Variants in GON4L observed in about 807,000 individuals in gnomAD.
GON4L encodes gon-4 like.
In GON4L, 87 loss-of-function variants were observed where a neutral mutation model predicts 211.8. That is an observed-to-expected ratio of 0.41 (90% CI 0.35 to 0.49). The LOEUF is 0.49. Among genes scored for constraint, GON4L ranks in the 20% least tolerant of loss-of-function variants. The pLI is 0.15. For missense variants in GON4L, 2,155 were observed against 2,659.5 expected (o/e 0.81, Z 4.17); for synonymous variants, 875 against 962.6 (o/e 0.91, Z 1.68).
chr1:155,821,595 T>C (rs1464460554), intron 4 of GON4L, 47 bp from the exon 5 acceptor site: 3 of 1,035,310 alleles, frequency 2.9e-6, no homozygotes, highest in Non-Finnish European at 4.6e-6. Context: ...GTTTGTCACC[T>C]AGACAATACT....
intron 14 of GON4L, 60 bp from the exon 15 acceptor site, chr1:155,777,880 A>C: frequency 1.0e-6 from 1 of 970,590 alleles, no homozygotes; most frequent in Non-Finnish European, 1.7e-6. Flanking sequence ...AACACATCCA[A>C]TTCGTTCCAA....
At chr1:155,784,962 T>A (rs1664799629) in intron 13 of GON4L, 3 of 348,890 alleles carry the variant, frequency 8.6e-6, no homozygotes, top group Middle Eastern at 1.0e-3. Flanking sequence ...ATAAAATAAT[T>A]AGCTGGGTGT....
intron 2 of GON4L, among the ~76,000 whole-genome samples, chr1:155,830,211 A>C (rs1669623742): frequency 6.6e-6 from 1 of 150,944 alleles, no homozygotes; most frequent in African/African-American, 2.4e-5. Context: ...AGGCCTCCCA[A>C]AGTGCTGGAA....
At position 155,822,441 on chromosome 1, in the gene GON4L, T is replaced by C. The variant is rs745784282; in HGVS notation, c.733A>G (p.Lys245Glu). Residue 245 changes from lysine (K) to glutamate (E), a missense_variant, in exon 4 of 32, where the codon AAA becomes GAA. Transcript: ENST00000368331. Reference protein sequence around the residue: ...QDNEESEKRRKKKKGTKRKRD... With the variant: ...QDNEESEKRREKKKGTKRKRD... ...TTCCTCTTGGTACCCTTTTTCTTTTTTCTCCTTTTCTCACTTTCTTCATTG... is the reference window on the plus strand; with the variant it reads ...TTCCTCTTGGTACCCTTTTTCTTTTCTCTCCTTTTCTCACTTTCTTCATTG... The C allele has an allele frequency of 4.3e-6, 7 of 1,613,966 alleles. No homozygotes were observed. Among genetic ancestry groups the C allele is most frequent in the South Asian group, 1.1e-5 (1 of 91,084 alleles).
chr1:155,829,216 A>T (rs1669514502), intron 2 of GON4L, among the ~76,000 whole-genome samples: 1 of 152,028 alleles, frequency 6.6e-6, no homozygotes, highest in Admixed American at 6.6e-5. Context: ...ACATACCCTA[A>T]TTTCCACTTA....
rs1343822388 is a variant in GON4L, at chr1:155,750,443, C to T, written c.*141G>A. The T allele has an allele frequency of 1.6e-6, 1 of 625,270 alleles. No individual in the cohort carries two copies. Among genetic ancestry groups the T allele is most frequent in the African/African-American group, 1.8e-5 (1 of 54,106 alleles). The allele number at this position is 625,270 out of a possible 1,614,324, so 38.7% of individuals were successfully genotyped here. A position where few individuals can be genotyped will look rare whatever the true frequency, so the allele number is the denominator to read the frequency against. The stretch of plus-strand genomic sequence containing the variant: ...AGCCCCTGGGTCCTACTCCATCCTC[C>T]AGCCTTTGTCCTTGTCCTGGCCTCC... On this transcript the variant is annotated 3_prime_UTR_variant, in exon 32 of 32. Coordinates refer to ENST00000368331, the MANE Select transcript of GON4L (RefSeq NM_001282860.2).
At chr1:155,828,233 A>C (rs1029974243) in intron 2 of GON4L, among the ~76,000 whole-genome samples, 2 of 151,968 alleles carry the variant, frequency 1.3e-5, no homozygotes, top group African/African-American at 4.8e-5. Context: ...TCACATCTGT[A>C]ATCTCAGCAC....
chr1:155,772,105 A>T (rs182858687), intron 18 of GON4L, among the ~76,000 whole-genome samples: 181 of 152,144 alleles, frequency 1.2e-3, no homozygotes, highest in African/African-American at 4.2e-3. Context: ...GTGAGCCGAG[A>T]TCGCACCATT....
chr1:155,747,762 G>A (rs768353075), downstream of GON4L: 9 of 1,613,878 alleles, frequency 5.6e-6, no homozygotes, highest in Admixed American at 1.5e-4. Context: ...CCCCGCCCAG[G>A]GCTTCCAGAT....
Position 155,773,054 on chromosome 1 carries a change from G to T in GON4L, c.2495+12C>A, listed in dbSNP as rs1046614075. The T allele has an allele frequency of 6.2e-7, 1 of 1,611,796 alleles. No individual in the cohort carries two copies. Among genetic ancestry groups the T allele is most frequent in the East Asian group, 2.2e-5 (1 of 44,862 alleles). ...TGTTCTGCTGTTTTGATCCCCCAGAGTAAACACTTACTTGTCCTCAGCCTT... is the reference window on the plus strand; with the variant it reads ...TGTTCTGCTGTTTTGATCCCCCAGATTAAACACTTACTTGTCCTCAGCCTT... On this transcript the variant is annotated intron_variant, in intron 18 of 31. Transcript: ENST00000368331.
downstream of GON4L, among the ~76,000 whole-genome samples, chr1:155,745,142 AATAG>A (rs1660211644): frequency 6.6e-6 from 1 of 152,268 alleles, no homozygotes; most frequent in South Asian, 2.1e-4. Context: ...CATTCTTTAG[AATAG>A]ATCAGTGGTG....
At chr1:155,781,485 T>C (rs1367322428) in intron 14 of GON4L, among the ~76,000 whole-genome samples, 5 of 151,464 alleles carry the variant, frequency 3.3e-5, no homozygotes, top group East Asian at 1.9e-4. Flanking sequence ...TTTTTTGAGA[T>C]GGAGTCTTTT....
intron 2 of GON4L, among the ~76,000 whole-genome samples, chr1:155,836,488 T>C (rs1452795751): frequency 6.6e-6 from 1 of 152,024 alleles, no homozygotes; most frequent in Non-Finnish European, 1.5e-5. Flanking sequence ...GACCTCGTGA[T>C]CCCCCCGCCT....
chr1:155,747,540 T>C (rs1250552227), downstream of GON4L: 2 of 1,614,034 alleles, frequency 1.2e-6, no homozygotes, highest in Non-Finnish European at 1.7e-6. Context: ...ATGTAAGTCT[T>C]GGATCGTGTT....
At chr1:155,794,770 G>A (rs1357814259) in intron 12 of GON4L, among the ~76,000 whole-genome samples, 1 of 151,962 alleles carries the variant, frequency 6.6e-6, no homozygotes, top group Admixed American at 6.6e-5. Flanking sequence ...CACCCTACTA[G>A]GCTGAACTCC....
intron 22 of GON4L, 45 bp downstream of exon 22, chr1:155,763,267 A>C: frequency 1.3e-6 from 2 of 1,590,566 alleles, no homozygotes; most frequent in Non-Finnish European, 1.7e-6. Flanking sequence ...CTAGACAATG[A>C]GGTTAAGTGA....
chr1:155,781,242 A>C lies in GON4L; in HGVS notation c.1892+2744T>G, dbSNP rs373575057. Among the ~76,000 whole-genome samples the C allele has an allele frequency of 1.4e-4, 22 of 151,860 alleles. No individual in the cohort carries two copies. The South Asian group carries it at 4.4e-3, about 30-fold the overall frequency. ...ACTGCAACCTCTGCCTCCCAGGTTC[A>C]AGCAATTCTCCTTCCTCAGCCTCCC... On this transcript the variant is annotated intron_variant, in intron 14 of 31. Transcript: ENST00000368331.
chr1:155,753,808 C>A (rs1660861889), intron 28 of GON4L, among the ~76,000 whole-genome samples: 1 of 152,010 alleles, frequency 6.6e-6, no homozygotes, highest in Non-Finnish European at 1.5e-5. Context: ...GACTCCTGGG[C>A]TCAAGTGATC....
intron 11 of GON4L, among the ~76,000 whole-genome samples, chr1:155,797,089 C>A (rs1240819402): frequency 6.6e-6 from 1 of 151,998 alleles, no homozygotes; most frequent in Non-Finnish European, 1.5e-5. Flanking sequence ...ACAAAGATTT[C>A]TCTGTGTACC....
Sources: allele counts gnomAD v4.1 joint callset (sites outside exome capture counted in the v4.1 genomes callset), GRCh38; gene constraint gnomAD v4.1.1; transcripts MANE v1.5; gene names NCBI Gene and HGNC (gene_info 2026-07-23, HGNC 2026-07-21).